MAS1: variants seen among roughly 807,000 people sequenced by gnomAD.
MAS1 encodes MAS1 proto-oncogene, G protein-coupled receptor, also known as proto-oncogene Mas.
For missense variants in MAS1, 387 were observed against 409.7 expected (o/e 0.94, Z 0.48); for synonymous variants, 163 against 164.2 (o/e 0.99, Z 0.05).
chr6:159,891,318 C>A (rs1268732538), intron 1 of MAS1, among the ~76,000 whole-genome samples, 185 bp downstream of exon 1: 2 of 152,152 alleles, frequency 1.3e-5, no homozygotes, highest in East Asian at 1.9e-4. Context: ...TTTCCTCCTG[C>A]CTTTGTTTTG....
Position 159,898,199 on chromosome 6 carries a change from G to T in MAS1, c.-243-987G>T, listed in dbSNP as rs1032178435. Among the ~76,000 whole-genome samples, 13 of 151,826 alleles carry T rather than the reference G, an allele frequency of 8.6e-5. No individual in the cohort carries two copies. In the East Asian group the frequency reaches 1.9e-3, roughly 23 times the overall value. On this transcript the variant is annotated intron_variant, in intron 1 of 2. Coordinates refer to ENST00000674077, the MANE Select transcript of MAS1 (RefSeq NM_002377.4). ...GAGCCACTCCACCCAGCCTAAACAC[G>T]TCTTAATAAAAAATATTCCCTACAA...
In MAS1 at chr6:159,909,677, T is replaced by C. The variant is rs1385684520; in HGVS notation, c.*1744T>C. On this transcript the variant is annotated 3_prime_UTR_variant, in exon 3 of 3. Coordinates refer to ENST00000674077, the MANE Select transcript of MAS1 (RefSeq NM_002377.4). ...AGCAACTCCCCTCTGTTTCCTGTCC[T>C]CTCCTGTGTGTGCTGTGTGCTGGCC... 2 of 152,146 alleles carry C rather than the reference T, an allele frequency of 1.3e-5. No homozygotes were observed. The highest frequency in any genetic ancestry group is 4.8e-5 in the African/African-American group (2 of 41,408). The allele number at this position is 152,146 out of a possible 1,614,324, so 9.4% of individuals were successfully genotyped here. A position where few individuals can be genotyped will look rare whatever the true frequency, so the allele number is the denominator to read the frequency against.
In MAS1 at chr6:159,897,170, G is replaced by C. The variant is rs187971070; in HGVS notation, c.-243-2016G>C. On this transcript the variant is annotated intron_variant, in intron 1 of 2. Coordinates refer to ENST00000674077, the MANE Select transcript of MAS1 (RefSeq NM_002377.4). ...ATTACAGGCCTGAGCCACCACCCCCGGCCGGAGACTGGGGTTTTTTTTAAG... is the reference window on the plus strand; with the variant it reads ...ATTACAGGCCTGAGCCACCACCCCCCGCCGGAGACTGGGGTTTTTTTTAAG... Among the ~76,000 whole-genome samples the C allele has an allele frequency of 2.9e-3, 438 of 152,004 alleles. 1 individual carries two copies. The highest frequency in any genetic ancestry group is 9.7e-3 in the African/African-American group (400 of 41,324).
chr6:159,905,297 C>T (rs148449966), intron 2 of MAS1, among the ~76,000 whole-genome samples: 102 of 152,358 alleles, frequency 6.7e-4, no homozygotes, highest in Middle Eastern at 6.8e-3. Flanking sequence ...CTGGTCTCTA[C>T]AGCAGGGCTT....
chr6:159,914,799 G>C lies in MAS1; in HGVS notation c.*6866G>C, dbSNP rs1016313245. Reference sequence around the variant, plus strand: ...GTGGTTCCTGTGGGACGGGGCCAGAGTGGGTGTCCCATGAAGATGACCAGA... The same window carrying C: ...GTGGTTCCTGTGGGACGGGGCCAGACTGGGTGTCCCATGAAGATGACCAGA... On this transcript the variant is annotated 3_prime_UTR_variant, in exon 3 of 3. Transcript: ENST00000674077. 3 of 152,328 alleles carry C rather than the reference G, an allele frequency of 2.0e-5. No individual in the cohort carries two copies. The highest frequency in any genetic ancestry group is 4.4e-5 in the Non-Finnish European group (3 of 68,118). 9.4% of individuals were successfully genotyped at this position (152,328 alleles called of 1,614,324 possible). A position where few individuals can be genotyped will look rare whatever the true frequency, so the allele number is the denominator to read the frequency against.
At chr6:159,905,346 G>A (rs1782872718) in intron 2 of MAS1, among the ~76,000 whole-genome samples, 1 of 152,218 alleles carries the variant, frequency 6.6e-6, no homozygotes, top group Non-Finnish European at 1.5e-5. Flanking sequence ...CTCATCCTGT[G>A]TGGGTTCTTT....
chr6:159,906,859 T>G (rs1357666349), intron 2 of MAS1, 61 bp from the exon 3 acceptor site: 3 of 1,304,302 alleles, frequency 2.3e-6, no homozygotes, highest in African/African-American at 1.5e-5. Flanking sequence ...TTCTCCCTTT[T>G]ATTCCAATTC....
intron 2 of MAS1, among the ~76,000 whole-genome samples, chr6:159,905,512 C>T (rs1273502651): frequency 2.0e-5 from 3 of 152,144 alleles, no homozygotes; most frequent in Non-Finnish European, 4.4e-5. Flanking sequence ...TGGATCACAT[C>T]GCTGGAAGGA....
Position 159,910,533 on chromosome 6 carries a change from C to T in MAS1, c.*2600C>T, listed in dbSNP as rs932891310. 2.1e-4 allele frequency: 32 copies of T among 152,308 alleles called. No individual in the cohort carries two copies. The highest frequency in any genetic ancestry group is 7.7e-4 in the African/African-American group (32 of 41,462). 9.4% of individuals were successfully genotyped at this position (152,308 alleles called of 1,614,324 possible). A position where few individuals can be genotyped will look rare whatever the true frequency, so the allele number is the denominator to read the frequency against. ...TTGCTTATTTGCTCGTTCTCTGTCT[C>T]TTCACGCTAGACTATAAGCTCCTTG... On this transcript the variant is annotated 3_prime_UTR_variant, in exon 3 of 3. Coordinates refer to ENST00000674077, the MANE Select transcript of MAS1 (RefSeq NM_002377.4).
At position 159,907,700 on chromosome 6, in the gene MAS1, C is replaced by T. The variant is rs1450266551; in HGVS notation, c.745C>T (p.Leu249=). Residue 249 remains leucine, a synonymous_variant, in exon 3 of 3, where the codon CTG becomes TTG. Transcript: ENST00000674077. ...IFAMPMRLLY[L]LYYEYWSTFG... Reference sequence around the variant, plus strand: ...CGCTATGCCCATGAGACTCCTTTACCTGCTGTACTATGAGTATTGGTCGAC... The same window carrying T: ...CGCTATGCCCATGAGACTCCTTTACTTGCTGTACTATGAGTATTGGTCGAC... 2 of 1,613,618 alleles carry T rather than the reference C, an allele frequency of 1.2e-6. No homozygotes were observed. Among genetic ancestry groups the T allele is most frequent in the African/African-American group, 2.7e-5 (2 of 74,872 alleles).
rs999502626 is a variant in MAS1 at position 159,891,143 on chromosome 6, C to T, written c.-244+10C>T. On this transcript the variant is annotated intron_variant, in intron 1 of 2. Coordinates refer to ENST00000674077, the MANE Select transcript of MAS1 (RefSeq NM_002377.4). Reference sequence around the variant, plus strand: ...TGAGCAAATGACACCAGTGAGTCTGCGTCCCAGTTTTTCATTGCTTAGCTG... The same window carrying T: ...TGAGCAAATGACACCAGTGAGTCTGTGTCCCAGTTTTTCATTGCTTAGCTG... Among the ~76,000 whole-genome samples, 14 of 152,202 alleles carry T rather than the reference C, an allele frequency of 9.2e-5. No homozygotes were observed. The highest frequency in any genetic ancestry group is 2.1e-4 in the Non-Finnish European group (14 of 68,040).
intron 1 of MAS1, among the ~76,000 whole-genome samples, chr6:159,898,794 C>T (rs184582785): frequency 6.6e-6 from 1 of 150,852 alleles, no homozygotes; most frequent in East Asian, 2.0e-4. Flanking sequence ...CCTTCTTCTC[C>T]TTCTCCTCCC....
Position 159,891,051 on chromosome 6 carries a change from G to A in MAS1, c.-326G>A, listed in dbSNP as rs777975640. Among the ~76,000 whole-genome samples the A allele has an allele frequency of 6.6e-6, 1 of 152,214 alleles. No homozygotes were observed. Among genetic ancestry groups the A allele is most frequent in the South Asian group, 2.1e-4 (1 of 4,836 alleles). On this transcript the variant is annotated 5_prime_UTR_variant, in exon 1 of 3. Coordinates refer to ENST00000674077, the MANE Select transcript of MAS1 (RefSeq NM_002377.4). Reference sequence around the variant, plus strand: ...GATGTTGGGACCGGAGACCCTGCAGGCTGGCTGGGCATTGATGCCCCAGAT... The same window carrying A: ...GATGTTGGGACCGGAGACCCTGCAGACTGGCTGGGCATTGATGCCCCAGAT...
intron 1 of MAS1, 42 bp from the exon 2 acceptor site, chr6:159,899,144 A>G (rs750110851): frequency 6.6e-6 from 1 of 152,250 alleles, no homozygotes; most frequent in Non-Finnish European, 1.5e-5. Context: ...AGAGCCCCAC[A>G]CTGCGATATT....
At chr6:159,896,626 T>C (rs1439439717) in intron 1 of MAS1, among the ~76,000 whole-genome samples, 1 of 152,138 alleles carries the variant, frequency 6.6e-6, no homozygotes, top group Non-Finnish European at 1.5e-5. Context: ...CGATAAACAT[T>C]TAAAAGAAAA....
At chr6:159,891,676 G>T (rs140994612) in intron 1 of MAS1, among the ~76,000 whole-genome samples, 10 of 152,190 alleles carry the variant, frequency 6.6e-5, no homozygotes, top group African/African-American at 2.4e-4. Context: ...TTATGAAGCC[G>T]TATGCATTCC....
upstream of MAS1, among the ~76,000 whole-genome samples, chr6:159,889,302 T>A (rs2115103683): frequency 6.6e-6 from 1 of 152,364 alleles, no homozygotes; most frequent in Admixed American, 6.5e-5. Flanking sequence ...ACTTACATAA[T>A]GACGTTGGAG....
At chr6:159,895,133 T>C (rs1253078050) in intron 1 of MAS1, among the ~76,000 whole-genome samples, 1 of 152,172 alleles carries the variant, frequency 6.6e-6, no homozygotes, top group Non-Finnish European at 1.5e-5. Flanking sequence ...CATGAATGGG[T>C]GTGTGAACTT....
chr6:159,906,307 C>T (rs1782886564), intron 2 of MAS1, among the ~76,000 whole-genome samples: 1 of 152,154 alleles, frequency 6.6e-6, no homozygotes, highest in East Asian at 1.9e-4. Flanking sequence ...AGGTGCCCAG[C>T]TTTGTCGCAG....
Sources: allele counts gnomAD v4.1 joint callset (sites outside exome capture counted in the v4.1 genomes callset), GRCh38; gene constraint gnomAD v4.1.1; transcripts MANE v1.5; gene names NCBI Gene and HGNC (gene_info 2026-07-23, HGNC 2026-07-21).